The following CT45A1 variants were observed in gnomAD, a reference collection of about 807,000 sequenced individuals.
CT45A1 encodes cancer/testis antigen 45-1.
chrX:135,718,595 G>T lies in CT45A1; in HGVS notation c.-6-340G>T, dbSNP rs2353540. ...GGGTTAATACAGATTGGTTTATACAGCTATTTTTCCTAATAAGGGTTAATA... is the reference window on the plus strand; with the variant it reads ...GGGTTAATACAGATTGGTTTATACATCTATTTTTCCTAATAAGGGTTAATA... On this transcript the variant is annotated intron_variant, in intron 1 of 4. Transcript: ENST00000594565. Among the ~76,000 whole-genome samples, 497 of 110,283 alleles carry T rather than the reference G, an allele frequency of 4.5e-3. 3 individuals carry two copies. Among genetic ancestry groups the T allele is most frequent in the African/African-American group, 0.014 (421 of 30,443 alleles).
chrX:135,713,645 A>T lies in CT45A1; in HGVS notation c.-52A>T. The stretch of plus-strand genomic sequence containing the variant: ...GTGCCACCAGTGGGGAGGCGCCACA[A>T]CTTCACTGCCATTTTGTGAGGTGCT... On this transcript the variant is annotated 5_prime_UTR_variant, in exon 1 of 5. Transcript: ENST00000594565. 6.7e-6 allele frequency: 5 copies of T among 750,604 alleles called. No homozygotes were observed. Among genetic ancestry groups the T allele is most frequent in the Non-Finnish European group, 7.9e-6 (5 of 636,506 alleles). 61.9% of individuals were successfully genotyped at this position (750,604 alleles called of 1,213,427 possible).
upstream of CT45A1, among the ~76,000 whole-genome samples, chrX:135,709,854 G>T (rs1332792186): frequency 1.8e-5 from 2 of 111,479 alleles, no homozygotes; most frequent in South Asian, 7.6e-4. Flanking sequence ...AAAACTGTAC[G>T]TGTACCCTTC....
intron 1 of CT45A1, among the ~76,000 whole-genome samples, chrX:135,716,421 A>G (rs1319371722): frequency 8.9e-6 from 1 of 111,757 alleles, no homozygotes; most frequent in African/African-American, 3.3e-5. Flanking sequence ...ACTCTTATGA[A>G]GTGCATATTC....
chrX:135,708,605 T>G, the CT45A1 span, among the ~76,000 whole-genome samples: 1 of 110,748 alleles, frequency 9.0e-6, no homozygotes, highest in East Asian at 2.8e-4. Flanking sequence ...TTCACTAACT[T>G]GTCAATGTGT....
At chrX:135,714,863 A>T (rs1556570740) in intron 1 of CT45A1, among the ~76,000 whole-genome samples, 4 of 85,925 alleles carry the variant, frequency 4.7e-5, no homozygotes, top group African/African-American at 1.8e-4. Context: ...GCACCATTTT[A>T]TGTGTTTATT....
intron 1 of CT45A1, among the ~76,000 whole-genome samples, chrX:135,718,199 T>C (rs868920865): frequency 2.8e-4 from 31 of 111,896 alleles, no homozygotes; most frequent in African/African-American, 9.5e-4. Flanking sequence ...ATGTGGTGCA[T>C]TACATTTATC....
chrX:135,713,220 T>G (rs183036219), upstream of CT45A1, among the ~76,000 whole-genome samples: 12,030 of 97,889 alleles, frequency 0.12, 721 homozygotes, highest in Non-Finnish European at 0.17. Context: ...GTGTGTGTTT[T>G]TTTTTTTTTT....
At chrX:135,712,528 A>T (rs1158722398), upstream of CT45A1, among the ~76,000 whole-genome samples, 1 of 107,999 alleles carries the variant, frequency 9.3e-6, no homozygotes, top group Non-Finnish European at 1.9e-5. Context: ...ATATTTATTT[A>T]TTTATTTATT....
At chrX:135,714,210 G>A (rs1236335294) in intron 1 of CT45A1, among the ~76,000 whole-genome samples, 1 of 109,834 alleles carries the variant, frequency 9.1e-6, no homozygotes, top group African/African-American at 3.3e-5. Context: ...TTCCTTGGGT[G>A]CTGATGTCGT....
At chrX:135,712,696 A>G (rs2087941605), upstream of CT45A1, among the ~76,000 whole-genome samples, 1 of 107,948 alleles carries the variant, frequency 9.3e-6, no homozygotes, top group African/African-American at 3.4e-5. Context: ...CGCCCGGTTA[A>G]TTTTCTGTAT....
At chrX:135,715,679 T>G (rs868925693) in intron 1 of CT45A1, among the ~76,000 whole-genome samples, 1 of 100,622 alleles carries the variant, frequency 9.9e-6, no homozygotes, top group Admixed American at 1.2e-4. Flanking sequence ...ATAATACTTA[T>G]ATGTATATAA....
chrX:135,712,179 CTTTTTTTTTTTTTTT>C (rs782572662), upstream of CT45A1, among the ~76,000 whole-genome samples: 3 of 48,423 alleles, frequency 6.2e-5, no homozygotes, highest in African/African-American at 8.7e-5. Flanking sequence ...TTTTTTCTTT[CTTTTTTTTTTTTTTT>C]TTTTTTTTTT....
chrX:135,715,826 G>T (rs1458881762), intron 1 of CT45A1, among the ~76,000 whole-genome samples: 1 of 106,970 alleles, frequency 9.3e-6, no homozygotes, highest in Non-Finnish European at 1.9e-5. Flanking sequence ...TCTACATTAG[G>T]TATTTCTCTA....
At chrX:135,710,078 G>C (rs782424940), upstream of CT45A1, 1 of 114,695 alleles carries the variant, frequency 8.7e-6, no homozygotes, top group Non-Finnish European at 1.8e-5. Flanking sequence ...TTTTCGTTCT[G>C]TAACTGTGAT....
At chrX:135,714,716 G>A (rs2087964219) in intron 1 of CT45A1, among the ~76,000 whole-genome samples, 1 of 110,834 alleles carries the variant, frequency 9.0e-6, no homozygotes. Context: ...CGATTAATGA[G>A]ATTGAGCACC....
intron 1 of CT45A1, among the ~76,000 whole-genome samples, chrX:135,715,350 TTACATATAATACTTA>T (rs1307258742): frequency 1.5e-3 from 49 of 32,659 alleles, no homozygotes; most frequent in Non-Finnish European, 1.9e-3. Flanking sequence ...TATATAATAC[TTACATATAATACTTA>T]TATATATAAT....
upstream of CT45A1, among the ~76,000 whole-genome samples, chrX:135,709,100 G>C (rs1473951403): frequency 8.9e-6 from 1 of 112,173 alleles, no homozygotes; most frequent in Non-Finnish European, 1.9e-5. Context: ...ATATCAGGTT[G>C]CCAGGGATGT....
upstream of CT45A1, among the ~76,000 whole-genome samples, chrX:135,711,125 C>G (rs1556569435): frequency 9.0e-6 from 1 of 111,713 alleles, no homozygotes; most frequent in Admixed American, 9.5e-5. Context: ...TAAGCCCCAA[C>G]AAGATTCCAG....
chrX:135,718,777 A>G (rs1269666442), intron 1 of CT45A1, among the ~76,000 whole-genome samples, 158 bp from the exon 2 acceptor site: 1 of 107,392 alleles, frequency 9.3e-6, no homozygotes, highest in East Asian at 2.9e-4. Context: ...TTTTCCTGAG[A>G]ACAGAGTGTT....
Sources: gnomAD v4.1 joint callset for allele counts (sites outside exome capture counted in the v4.1 genomes callset) on GRCh38, gnomAD v4.1.1 for gene constraint, MANE v1.5 for transcripts, NCBI Gene and HGNC (gene_info 2026-07-23, HGNC 2026-07-21) for gene names.